PRELID2: variants seen among roughly 807,000 people sequenced by gnomAD.
The protein encoded by PRELID2 is PRELI domain-containing protein 2.
Under a neutral mutation model 28.4 loss-of-function variants are expected in PRELID2, and 25 were observed. That is an observed-to-expected ratio of 0.88 (90% CI 0.64 to 1.23). PRELID2 has a LOEUF of 1.23. Ranked by LOEUF, PRELID2 falls within the 50% of genes most tolerant of loss-of-function variation. The pLI, the probability that PRELID2 is intolerant of heterozygous loss-of-function variation, is 0.00. For synonymous variants in PRELID2, 76 were observed against 71.6 expected, an observed-to-expected ratio of 1.06 and a Z score of -0.31; for missense variants, 201 against 214.4, an observed-to-expected ratio of 0.94 and a Z score of 0.39.
At chr5:145,366,801 T>C in the PRELID2 span, among the ~76,000 whole-genome samples, 2 of 151,904 alleles carry the variant, frequency 1.3e-5, no homozygotes, top group Non-Finnish European at 2.9e-5. Context: ...GGATGAGAGA[T>C]ATCCATAGAT....
intron 1 of PRELID2, among the ~76,000 whole-genome samples, chr5:145,567,482 A>C (rs769478810): frequency 1.3e-5 from 2 of 152,082 alleles, no homozygotes; most frequent in African/African-American, 2.4e-5. Context: ...GGTTCAAGTG[A>C]TTCTCCTGCC....
At chr5:145,413,806 C>G in the PRELID2 span, among the ~76,000 whole-genome samples, 1 of 151,962 alleles carries the variant, frequency 6.6e-6, no homozygotes, top group Non-Finnish European at 1.5e-5. Flanking sequence ...GTTTGTCTTT[C>G]TGTTTTACTT....
the PRELID2 span, among the ~76,000 whole-genome samples, chr5:145,290,193 G>A: frequency 3.9e-5 from 6 of 152,092 alleles, no homozygotes; most frequent in South Asian, 2.1e-4. Flanking sequence ...ACAGTGTGGC[G>A]ATTCCTCAAG....
In PRELID2 at chr5:145,488,244, G is replaced by C. The variant is rs150944473; in HGVS notation, n.71-14929C>G. Among the ~76,000 whole-genome samples the C allele has an allele frequency of 6.4e-4, 97 of 152,210 alleles. No homozygotes were observed. In the East Asian group the frequency reaches 0.012, roughly 18 times the overall value. On this transcript the variant is annotated intron_variant and non_coding_transcript_variant, in intron 1 of 2. Transcript: ENST00000510259. ...GAAAGTTCAAGATGCTAGTGAGCTAGTGACTATTTCTCCACCATATGGAGA... is the reference window on the plus strand; with the variant it reads ...GAAAGTTCAAGATGCTAGTGAGCTACTGACTATTTCTCCACCATATGGAGA...
chr5:145,742,073 T>C (rs1415735690), intron 1 of PRELID2, among the ~76,000 whole-genome samples: 2 of 37,350 alleles, frequency 5.4e-5, no homozygotes, highest in East Asian at 2.1e-3. Context: ...TTTATAATTA[T>C]ACGTAATTAT....
chr5:145,628,821 T>C (rs1753892227), intron 1 of PRELID2, among the ~76,000 whole-genome samples: 1 of 152,084 alleles, frequency 6.6e-6, no homozygotes, highest in African/African-American at 2.4e-5. Flanking sequence ...TCAATTAAAA[T>C]GATATTAAAA....
chr5:145,464,235 T>C, the PRELID2 span, among the ~76,000 whole-genome samples: 5 of 152,126 alleles, frequency 3.3e-5, no homozygotes, highest in South Asian at 2.1e-4. Flanking sequence ...TAAGAGCTAA[T>C]GCAGCAATCG....
At chr5:145,510,181 T>C (rs1752449048) in intron 1 of PRELID2, among the ~76,000 whole-genome samples, 1 of 152,114 alleles carries the variant, frequency 6.6e-6, no homozygotes, top group Admixed American at 6.6e-5. Context: ...AATAATCATC[T>C]CCATAAAAAA....
intron 1 of PRELID2, among the ~76,000 whole-genome samples, chr5:145,504,446 G>T (rs757344139): frequency 6.6e-6 from 1 of 152,100 alleles, no homozygotes; most frequent in South Asian, 2.1e-4. Flanking sequence ...GCTGAGAAGC[G>T]ATACACATAA....
At chr5:145,408,957 A>T in the PRELID2 span, among the ~76,000 whole-genome samples, 11 of 152,290 alleles carry the variant, frequency 7.2e-5, no homozygotes, top group Admixed American at 1.3e-4. Context: ...TAATCTTAAG[A>T]GCTGTGAGGC....
chr5:145,264,665 A>T, the PRELID2 span, among the ~76,000 whole-genome samples: 1 of 152,070 alleles, frequency 6.6e-6, no homozygotes, highest in Non-Finnish European at 1.5e-5. Context: ...AGAGAGAGAA[A>T]TAAAGGATAT....
At chr5:145,611,773 T>C (rs546048526) in intron 1 of PRELID2, among the ~76,000 whole-genome samples, 5 of 152,344 alleles carry the variant, frequency 3.3e-5, no homozygotes, top group African/African-American at 1.2e-4. Flanking sequence ...CTTGTTTGAT[T>C]GTTTGTTGTG....
chr5:145,676,552 C>T (rs1754821807), intron 1 of PRELID2, among the ~76,000 whole-genome samples: 1 of 152,140 alleles, frequency 6.6e-6, no homozygotes, highest in African/African-American at 2.4e-5. Flanking sequence ...ACAACAACAA[C>T]AACAACACAA....
chr5:145,305,902 G>A, the PRELID2 span, among the ~76,000 whole-genome samples: 1 of 152,122 alleles, frequency 6.6e-6, no homozygotes, highest in African/African-American at 2.4e-5. Context: ...GCCCATGGTG[G>A]GCCACTGCTA....
intron 1 of PRELID2, among the ~76,000 whole-genome samples, chr5:145,632,385 T>C (rs911117783): frequency 4.6e-5 from 7 of 152,168 alleles, no homozygotes; most frequent in African/African-American, 1.7e-4. Context: ...GATCTAACAA[T>C]AAGAAGTTGA....
intron 1 of PRELID2, among the ~76,000 whole-genome samples, chr5:145,722,024 C>T (rs1756003852): frequency 6.6e-6 from 1 of 152,036 alleles, no homozygotes; most frequent in South Asian, 2.1e-4. Flanking sequence ...TATCCTACAC[C>T]AGGTCAAGTA....
chr5:145,444,408 G>A, the PRELID2 span, among the ~76,000 whole-genome samples: 1 of 151,986 alleles, frequency 6.6e-6, no homozygotes, highest in Non-Finnish European at 1.5e-5. Flanking sequence ...TAGATGTTTT[G>A]CTCTGTGTGA....
the PRELID2 span, among the ~76,000 whole-genome samples, chr5:145,449,998 A>AT: frequency 1.3e-5 from 2 of 152,168 alleles, no homozygotes; most frequent in African/African-American, 4.8e-5. Context: ...GGGTAGCCTC[A>AT]TTTGCAAATG....
the PRELID2 span, among the ~76,000 whole-genome samples, chr5:145,274,383 T>G: frequency 6.6e-6 from 1 of 152,258 alleles, no homozygotes; most frequent in African/African-American, 2.4e-5. Flanking sequence ...AAATGATAAT[T>G]TTCTAGAGCG....
Sources: gnomAD v4.1 joint callset for allele counts (sites outside exome capture counted in the v4.1 genomes callset) on GRCh38, gnomAD v4.1.1 for gene constraint, MANE v1.5 for transcripts, NCBI Gene and HGNC (gene_info 2026-07-23, HGNC 2026-07-21) for gene names.